PAG1: variants seen among roughly 807,000 people sequenced by gnomAD.
The protein encoded by PAG1 is phosphoprotein membrane anchor with glycosphingolipid microdomains 1.
In PAG1, 23 loss-of-function variants were observed where a neutral mutation model predicts 31.7. The observed-to-expected ratio is 0.73, with a 90% confidence interval of 0.52 to 1.03. The LOEUF is 1.03. Among genes scored for constraint, PAG1 ranks in the 50% least tolerant of loss-of-function variants. The probability of loss-of-function intolerance (pLI) is 0.00; values close to 1 mark genes in which losing one functional copy is unlikely to be tolerated. For synonymous variants in PAG1, 214 were observed against 210.3 expected (o/e 1.02, Z -0.15); for missense variants, 473 against 540.7 (o/e 0.87, Z 1.24).
At chr8:81,052,609 G>C (rs1297526735) in intron 2 of PAG1, among the ~76,000 whole-genome samples, 1 of 152,178 alleles carries the variant, frequency 6.6e-6, no homozygotes, top group South Asian at 2.1e-4. Context: ...ATTTCAGGAA[G>C]TATTTGGAGA....
At chr8:81,019,809 C>A (rs1391497322) in intron 3 of PAG1, among the ~76,000 whole-genome samples, 3 of 152,202 alleles carry the variant, frequency 2.0e-5, no homozygotes, top group African/African-American at 4.8e-5. Context: ...AAGAGGGCCA[C>A]TGTCCTCCAG....
intron 2 of PAG1, among the ~76,000 whole-genome samples, chr8:81,065,797 G>GTA (rs1049744145): frequency 1.3e-5 from 2 of 150,290 alleles, no homozygotes; most frequent in Non-Finnish European, 3.0e-5. Flanking sequence ...ATATATATAT[G>GTA]TATATATATG....
chr8:81,077,786 C>A (rs1233911244), intron 1 of PAG1, among the ~76,000 whole-genome samples: 2 of 152,130 alleles, frequency 1.3e-5, no homozygotes, highest in Non-Finnish European at 2.9e-5. Context: ...TTGCTGAAAG[C>A]AAAATGTTTA....
In PAG1 at chr8:80,990,155, CAG is replaced by C. The variant is rs934242648; in HGVS notation, c.177+1322_177+1323del. ...CCAGGGATGGGAACAGGGCGAGAAA[CAG>C]AGTAAAGGGAGGAGTGGTGATGAGG... On this transcript the variant is annotated intron_variant, in intron 5 of 8. Transcript: ENST00000220597. This position sits in a 1 kb window ranked among gnomAD's most constrained non-coding sequence, Gnocchi z 5.1. Among the ~76,000 whole-genome samples the C allele has an allele frequency of 1.6e-4, 25 of 151,544 alleles. No homozygotes were observed. Among genetic ancestry groups the C allele is most frequent in the African/African-American group, 4.9e-4 (20 of 41,228 alleles).
chr8:81,088,350 C>A (rs577957589), intron 1 of PAG1, among the ~76,000 whole-genome samples: 3 of 152,266 alleles, frequency 2.0e-5, no homozygotes, highest in African/African-American at 7.2e-5. Context: ...ATTCCATAAT[C>A]ATTATTAACT....
chr8:80,993,170 T>A lies in PAG1; in HGVS notation c.58A>T (p.Ser20Cys). The A allele has an allele frequency of 6.2e-7, 1 of 1,613,818 alleles. No individual in the cohort carries two copies. Among genetic ancestry groups the A allele is most frequent in the Non-Finnish European group, 8.5e-7 (1 of 1,179,894 alleles). Residue 20 changes from serine to cysteine, a missense_variant, in exon 4 of 9, where the codon AGT becomes TGT. Transcript: ENST00000220597. ...SGQMQITLWG[S>C]LAAVAIFFVI... ...AAGAAAATGGCGACAGCAGCCAGAC[T>A]TCCCCACAGGGTGATCTGCATCTGT...
chr8:81,090,466 C>T (rs1282643006), intron 1 of PAG1, among the ~76,000 whole-genome samples: 2 of 152,192 alleles, frequency 1.3e-5, no homozygotes, highest in Non-Finnish European at 2.9e-5. Context: ...CAATGCTAGA[C>T]ACTGAGGAAA....
intron 2 of PAG1, among the ~76,000 whole-genome samples, chr8:81,048,294 T>A (rs1433033929): frequency 6.6e-6 from 1 of 151,854 alleles, no homozygotes; most frequent in East Asian, 1.9e-4. Context: ...GGGAGAATGC[T>A]TTTTTCCCTA....
rs1049132879 is a variant in PAG1 at position 80,969,296 on chromosome 8, A to C, written c.*7248T>G. On this transcript the variant is annotated 3_prime_UTR_variant, in exon 9 of 9. Coordinates refer to ENST00000220597, the MANE Select transcript of PAG1 (RefSeq NM_018440.4). ...GAACACCACATCAGGTTCATTTATG[A>C]GTCTTATATTAAAAATACATAGAAG... The C allele has an allele frequency of 6.6e-6, 1 of 152,206 alleles. No individual in the cohort carries two copies. The highest frequency in any genetic ancestry group is 2.4e-5 in the African/African-American group (1 of 41,448). The allele number at this position is 152,206 out of a possible 1,614,324, so 9.4% of individuals were successfully genotyped here. A position where few individuals can be genotyped will look rare whatever the true frequency, so the allele number is the denominator to read the frequency against.
Position 80,974,574 on chromosome 8 carries a change from TCA to T in PAG1, c.*1968_*1969del. Reference sequence around the variant, plus strand: ...ACCAACCAGTTTACCTCAACATAGCTCACTCTGCAATGTCAGACATGCAGTGT... The same window carrying T: ...ACCAACCAGTTTACCTCAACATAGCTCTCTGCAATGTCAGACATGCAGTGT... On this transcript the variant is annotated 3_prime_UTR_variant, in exon 9 of 9. Coordinates refer to ENST00000220597, the MANE Select transcript of PAG1 (RefSeq NM_018440.4). The T allele has an allele frequency of 6.6e-6, 1 of 152,274 alleles. No homozygotes were observed. The highest frequency in any genetic ancestry group is 1.5e-5 in the Non-Finnish European group (1 of 68,034). The allele number at this position is 152,274 out of a possible 1,614,324, so 9.4% of individuals were successfully genotyped here.
intron 2 of PAG1, among the ~76,000 whole-genome samples, chr8:81,042,863 T>C (rs572953632): frequency 6.6e-6 from 1 of 152,150 alleles, no homozygotes; most frequent in Non-Finnish European, 1.5e-5. Context: ...GTATACACTC[T>C]TTAGCAGAAG....
intron 1 of PAG1, among the ~76,000 whole-genome samples, chr8:81,095,413 G>A (rs1359271834): frequency 6.6e-6 from 1 of 152,158 alleles, no homozygotes; most frequent in Admixed American, 6.5e-5. Context: ...CCGATCCTGA[G>A]TACAGGCACC....
chr8:81,036,968 G>A (rs1334418775), intron 2 of PAG1: 1 of 150,888 alleles, frequency 6.6e-6, no homozygotes, highest in Non-Finnish European at 1.5e-5. Context: ...TTTTTTCGTT[G>A]AGTACAGAAA....
intron 1 of PAG1, among the ~76,000 whole-genome samples, chr8:81,078,844 C>T (rs4534094): frequency 0.63 from 95,300 of 152,076 alleles, 31,323 homozygotes; most frequent in African/African-American, 0.82. Context: ...TTTGCTCAAG[C>T]TTACACAATA....
At position 81,059,544 on chromosome 8, in the gene PAG1, G is replaced by A. The variant is rs150811604; in HGVS notation, c.-175+10568C>T. On this transcript the variant is annotated intron_variant, in intron 2 of 8. Coordinates refer to ENST00000220597, the MANE Select transcript of PAG1 (RefSeq NM_018440.4). ...GGAGTCCTATAGATAGGTGCCAACA[G>A]GATCTTGGCCAACTTTCAGAGGGTC... Among the ~76,000 whole-genome samples the A allele has an allele frequency of 1.7e-3, 252 of 152,214 alleles. 2 individuals carry two copies. The highest frequency in any genetic ancestry group is 5.9e-3 in the African/African-American group (243 of 41,530).
intron 2 of PAG1, among the ~76,000 whole-genome samples, chr8:81,036,227 G>A (rs1423016815): frequency 6.6e-6 from 1 of 152,102 alleles, no homozygotes; most frequent in Non-Finnish European, 1.5e-5. Context: ...GACTAAGACT[G>A]GATAAAGTTA....
At position 80,971,170 on chromosome 8, in the gene PAG1, C is replaced by T. The variant is rs777831285; in HGVS notation, c.*5374G>A. The T allele has an allele frequency of 6.6e-6, 1 of 152,208 alleles. No homozygotes were observed. The highest frequency in any genetic ancestry group is 1.5e-5 in the Non-Finnish European group (1 of 68,026). 9.4% of individuals were successfully genotyped at this position (152,208 alleles called of 1,614,324 possible). ...CCCAGTACTGAAAACAACTTTCTCA[C>T]TCTTTTGTGAATTGGACAATTTGAC... is the stretch of plus-strand genomic sequence containing the variant. On this transcript the variant is annotated 3_prime_UTR_variant, in exon 9 of 9. Transcript: ENST00000220597.
chr8:80,969,502 C>T lies in PAG1; in HGVS notation c.*7042G>A, dbSNP rs1229473879. The T allele has an allele frequency of 6.6e-6, 1 of 152,146 alleles. No homozygotes were observed. Among genetic ancestry groups the T allele is most frequent in the Non-Finnish European group, 1.5e-5 (1 of 68,034 alleles). The allele number at this position is 152,146 out of a possible 1,614,324, so 9.4% of individuals were successfully genotyped here. A position where few individuals can be genotyped will look rare whatever the true frequency, so the allele number is the denominator to read the frequency against. On this transcript the variant is annotated 3_prime_UTR_variant, in exon 9 of 9. Transcript: ENST00000220597. The stretch of plus-strand genomic sequence containing the variant: ...AAAAGGAAATAGTTTGCTTTAAACT[C>T]ATGGTTTCCAACTTGTTGAGTTAAA...
chr8:80,984,125 C>A (rs1431188247), intron 7 of PAG1, among the ~76,000 whole-genome samples: 1 of 152,126 alleles, frequency 6.6e-6, no homozygotes, highest in African/African-American at 2.4e-5. Flanking sequence ...CTAGTTAAAT[C>A]CCAAAGAGAT....
Sources: allele counts gnomAD v4.1 joint callset (sites outside exome capture counted in the v4.1 genomes callset), GRCh38; gene constraint gnomAD v4.1.1; non-coding constraint Gnocchi (gnomAD v3.1); transcripts MANE v1.5; gene names NCBI Gene and HGNC (gene_info 2026-07-23, HGNC 2026-07-21).